PSTPIP2: variants seen among roughly 807,000 people sequenced by gnomAD.
PSTPIP2 encodes the protein proline-serine-threonine phosphatase interacting protein 2, also known as proline-serine-threonine phosphatase-interacting protein 2.
Under a neutral mutation model 63.3 loss-of-function variants are expected in PSTPIP2, and 33 were observed. That is an observed-to-expected ratio of 0.52 (90% CI 0.40 to 0.70). The LOEUF is 0.70. PSTPIP2 is among the 30% of genes least tolerant of loss of function. The pLI is 0.00. For synonymous variants in PSTPIP2, 125 were observed against 132.7 expected (o/e 0.94, Z 0.40); for missense variants, 312 against 400.7 (o/e 0.78, Z 1.89).
chr18:45,996,542 G>A (rs1267385733), intron 9 of PSTPIP2, among the ~76,000 whole-genome samples: 1 of 151,800 alleles, frequency 6.6e-6, no homozygotes, highest in African/African-American at 2.4e-5. Context: ...TCCAAGTTAT[G>A]TTTTTTATTT....
At chr18:46,067,132 A>G (rs890289822) in intron 1 of PSTPIP2, among the ~76,000 whole-genome samples, 11 of 152,138 alleles carry the variant, frequency 7.2e-5, no homozygotes, top group Admixed American at 6.5e-5. Flanking sequence ...TCATGACTCT[A>G]TCTTCCCTTT....
At chr18:46,036,073 A>G (rs916779268) in intron 2 of PSTPIP2, among the ~76,000 whole-genome samples, 1 of 150,052 alleles carries the variant, frequency 6.7e-6, no homozygotes, top group Non-Finnish European at 1.5e-5. Context: ...TACTTACAGT[A>G]TTATTTAATT....
chr18:45,992,721 T>C (rs973850645), intron 10 of PSTPIP2, among the ~76,000 whole-genome samples: 7 of 151,382 alleles, frequency 4.6e-5, no homozygotes, highest in Admixed American at 2.0e-4. Flanking sequence ...TATTTTTTAT[T>C]TTATTATTTT....
intron 14 of PSTPIP2, among the ~76,000 whole-genome samples, chr18:45,988,298 G>GGTGGTGCA (rs2051487857): frequency 1.1e-5 from 1 of 91,606 alleles, no homozygotes; most frequent in East Asian, 5.4e-4. Context: ...AGCTGGGTGT[G>GGTGGTGCA]GTGGTGCATG....
At chr18:46,065,381 T>A (rs1909150547) in intron 1 of PSTPIP2, among the ~76,000 whole-genome samples, 1 of 151,678 alleles carries the variant, frequency 6.6e-6, no homozygotes, top group Non-Finnish European at 1.5e-5. Flanking sequence ...AAACTCCGCC[T>A]CCTGGGTTCA....
intron 1 of PSTPIP2, among the ~76,000 whole-genome samples, chr18:46,061,932 G>T (rs527445252): frequency 6.6e-6 from 1 of 152,292 alleles, no homozygotes; most frequent in East Asian, 1.9e-4. Context: ...TCGAATATTT[G>T]TGGCCACTTA....
At chr18:46,055,236 A>G (rs748713941) in intron 1 of PSTPIP2, among the ~76,000 whole-genome samples, 20 of 152,272 alleles carry the variant, frequency 1.3e-4, no homozygotes, top group Non-Finnish European at 2.5e-4. Context: ...TCTGTCCCTC[A>G]TACACATCCA....
chr18:46,008,080 A>G (rs148114288), intron 5 of PSTPIP2, among the ~76,000 whole-genome samples: 6 of 152,180 alleles, frequency 3.9e-5, no homozygotes, highest in African/African-American at 1.4e-4. Flanking sequence ...CTCTTCTGAG[A>G]CTCAGACTTT....
At chr18:46,011,587 G>A (rs912019840) in intron 4 of PSTPIP2, among the ~76,000 whole-genome samples, 2 of 152,128 alleles carry the variant, frequency 1.3e-5, no homozygotes, top group Non-Finnish European at 2.9e-5. Context: ...TACATCCTAG[G>A]AGACATTACC....
intron 14 of PSTPIP2, among the ~76,000 whole-genome samples, chr18:45,985,734 C>T (rs1027592054): frequency 1.3e-5 from 2 of 152,026 alleles, no homozygotes; most frequent in Non-Finnish European, 2.9e-5. Context: ...CAGCTAAAAT[C>T]AACAACTACA....
Position 45,993,613 on chromosome 18 carries a change from T to C in PSTPIP2, c.733A>G (p.Ser245Gly). 6.2e-7 allele frequency: 1 copy of C among 1,613,522 alleles called. No homozygotes were observed. The highest frequency in any genetic ancestry group is 2.2e-5 in the East Asian group (1 of 44,882). The change falls in exon 10 of 15, where the codon AGT (serine) becomes GGT (glycine). Residue 245 changes from serine (S) to glycine (G), a missense_variant. By Grantham distance (56) the Ser-to-Gly change is moderately conservative. Transcript: ENST00000409746. Reference protein sequence around the residue: ...VNQLSQQCVTSDEMYEQVRKS... With the variant: ...VNQLSQQCVTGDEMYEQVRKS... ...GGATGCCTCTGACTTACTTCATCAC[T>C]GGTGACACATTGTTGTGACAGCTGA...
chr18:45,991,216 C>T (rs1335897539), intron 12 of PSTPIP2, among the ~76,000 whole-genome samples: 1 of 152,172 alleles, frequency 6.6e-6, no homozygotes, highest in Non-Finnish European at 1.5e-5. Flanking sequence ...CCCATCTTTA[C>T]TAAAACTGGA....
At chr18:46,060,333 A>G (rs1013067393) in intron 1 of PSTPIP2, among the ~76,000 whole-genome samples, 2 of 152,200 alleles carry the variant, frequency 1.3e-5, no homozygotes, top group Non-Finnish European at 2.9e-5. Context: ...TTAACTGCAA[A>G]GAAACTAGTC....
chr18:46,003,695 G>A (rs918958965), intron 6 of PSTPIP2, among the ~76,000 whole-genome samples: 3 of 151,690 alleles, frequency 2.0e-5, no homozygotes. Flanking sequence ...ACCCTTGTCA[G>A]GTTGTTCTTT....
At chr18:46,050,406 C>CA (rs1040819687) in intron 1 of PSTPIP2, among the ~76,000 whole-genome samples, 2 of 151,930 alleles carry the variant, frequency 1.3e-5, no homozygotes, top group African/African-American at 4.8e-5. Flanking sequence ...CCCATCTCTA[C>CA]AAAAAAATTT....
intron 5 of PSTPIP2, chr18:46,010,914 A>G: frequency 2.6e-6 from 1 of 377,740 alleles, no homozygotes; most frequent in South Asian, 4.4e-5. Flanking sequence ...CTTTCCATTC[A>G]TAGTCTGAAT....
intron 1 of PSTPIP2, among the ~76,000 whole-genome samples, chr18:46,068,431 G>A (rs1029383845): frequency 6.6e-6 from 1 of 152,106 alleles, no homozygotes; most frequent in Non-Finnish European, 1.5e-5. Context: ...CTGAGTAGCT[G>A]GGACTACAGG....
At chr18:46,022,074 T>G (rs962734402) in intron 3 of PSTPIP2, among the ~76,000 whole-genome samples, 14 of 152,274 alleles carry the variant, frequency 9.2e-5, no homozygotes, top group African/African-American at 3.4e-4. Flanking sequence ...GTTTTTTTAC[T>G]TTTCTGTGAT....
chr18:46,011,027 C>G, intron 5 of PSTPIP2, 154 bp downstream of exon 5: 1 of 651,496 alleles, frequency 1.5e-6, no homozygotes, highest in Non-Finnish European at 2.7e-6. Context: ...ATATACCCAT[C>G]TGGACTGAGT....
Sources: gnomAD v4.1 joint callset for allele counts (sites outside exome capture counted in the v4.1 genomes callset) on GRCh38, gnomAD v4.1.1 for gene constraint, MANE v1.5 for transcripts, NCBI Gene and HGNC (gene_info 2026-07-23, HGNC 2026-07-21) for gene names.